The following FGB variants were observed in gnomAD, a reference collection of about 807,000 sequenced individuals.
FGB encodes fibrinogen beta chain, also known as beta-fibrinogen.
Under a neutral mutation model 57.9 loss-of-function variants are expected in FGB, and 25 were observed. The observed-to-expected ratio is 0.43, with a 90% CI of 0.31 to 0.60. The LOEUF (loss-of-function observed/expected upper bound fraction) is 0.60, where lower values mean the gene tolerates loss of function less well. Among genes scored for constraint, FGB ranks in the 20% least tolerant of loss-of-function variants. The probability of loss-of-function intolerance (pLI) is 0.08; values close to 1 mark genes in which losing one functional copy is unlikely to be tolerated. For synonymous variants in FGB, 203 were observed against 199.2 expected, an observed-to-expected ratio of 1.02 and a Z score of -0.16; for missense variants, 536 against 598.4, an observed-to-expected ratio of 0.90 and a Z score of 1.09.
intron 7 of FGB, 91 bp from the exon 8 acceptor site, chr4:154,570,328 C>T (rs1730365584): frequency 5.6e-6 from 5 of 895,882 alleles, no homozygotes; most frequent in Non-Finnish European, 7.4e-6. Flanking sequence ...ACTGTGCACA[C>T]GAGTGTAGCA....
rs1730369642 is a variant in FGB at position 154,570,405 on chromosome 4, A to T, written c.1245-14A>T. Reference sequence around the variant, plus strand: ...AGTTCTGTTTCTAATAACGCCAAACACATTTTCTTTCAGGTTAACATCAGA... The same window carrying T: ...AGTTCTGTTTCTAATAACGCCAAACTCATTTTCTTTCAGGTTAACATCAGA... On this transcript the variant is annotated splice_polypyrimidine_tract_variant and intron_variant, in intron 7 of 7. Transcript: ENST00000302068. 1.2e-6 allele frequency: 2 copies of T among 1,602,854 alleles called. No individual in the cohort carries two copies. Among genetic ancestry groups the T allele is most frequent in the Non-Finnish European group, 1.7e-6 (2 of 1,169,740 alleles).
intron 7 of FGB, 114 bp downstream of exon 7, chr4:154,569,913 G>A: frequency 8.9e-7 from 1 of 1,123,856 alleles, no homozygotes; most frequent in Non-Finnish European, 1.3e-6. Flanking sequence ...GTCAGCCACT[G>A]TCCTAAGCTC....
In FGB at chr4:154,569,724, T is replaced by C. The variant is rs1456669155; in HGVS notation, c.1169T>C (p.Leu390Pro). 5 of 1,614,110 alleles carry C rather than the reference T, an allele frequency of 3.1e-6. No individual in the cohort carries two copies. The highest frequency in any genetic ancestry group is 4.2e-6 in the Non-Finnish European group (5 of 1,180,016). The part of the protein sequence containing the change: ...GNALMDGASQ[L>P]MGENRTMTIH... The stretch of plus-strand genomic sequence containing the variant: ...GCCCTCATGGATGGAGCATCTCAGC[T>C]GATGGGAGAAAACAGGACCATGACC... The change falls in exon 7 of 8, where the codon CTG becomes CCG. Residue 390 changes from leucine (L) to proline (P), a missense_variant. Transcript: ENST00000302068.
rs1730473258 is a variant in FGB, at chr4:154,572,613, C to T, written c.*1963C>T. 6.6e-6 allele frequency among the ~76,000 whole-genome samples: 1 copy of T among 152,140 alleles called. No homozygotes were observed. Among genetic ancestry groups the T allele is most frequent in the Admixed American group, 6.5e-5 (1 of 15,270 alleles). On this transcript the variant is annotated 3_prime_UTR_variant, in exon 8 of 8. Coordinates refer to ENST00000302068, the MANE Select transcript of FGB (RefSeq NM_005141.5). ...TCTCTGGGTTGGCCATTCCCGGATT[C>T]CTTAGCTTAGACTCTGAACACATAT...
chr4:154,570,288 A>T, intron 7 of FGB, 131 bp from the exon 8 acceptor site: 1 of 732,414 alleles, frequency 1.4e-6, no homozygotes, highest in Non-Finnish European at 2.5e-6. Flanking sequence ...TATTAGTGTG[A>T]CTCTATGTAT....
At position 154,569,399 on chromosome 4, in the gene FGB, C is replaced by T. The variant is rs550368921; in HGVS notation, c.958+92C>T. 17 of 1,588,286 alleles carry T rather than the reference C, an allele frequency of 1.1e-5. No homozygotes were observed. In the East Asian group the frequency reaches 3.6e-4, roughly 34 times the overall value. On this transcript the variant is annotated intron_variant, in intron 6 of 7. Coordinates refer to ENST00000302068, the MANE Select transcript of FGB (RefSeq NM_005141.5). ...TTCATTGTTGGAAGCCTGTTTTAGG[C>T]AGTTAAGAGGAGTTTCCTGACAAAA...
At chr4:154,566,783 G>A (rs1730180475) in intron 3 of FGB, 111 bp downstream of exon 3, 5 of 1,044,346 alleles carry the variant, frequency 4.8e-6, no homozygotes, top group African/African-American at 1.6e-5. Flanking sequence ...TTAGTGAATA[G>A]CATTCATACG....
chr4:154,569,464 G>A lies in FGB; in HGVS notation c.959-50G>A, dbSNP rs529570945. ...GATAAGGGAAGAAAGGCAGTTTTTA[G>A]TTTCCCAAAATTTTATTTTTGGTGA... On this transcript the variant is annotated intron_variant, in intron 6 of 7. Transcript: ENST00000302068. The A allele has an allele frequency of 6.9e-6, 11 of 1,600,458 alleles. No homozygotes were observed. The Admixed American group carries it at 1.5e-4, about 23-fold the overall frequency.
At position 154,566,006 on chromosome 4, in the gene FGB, G is replaced by A. The variant is rs753698680; in HGVS notation, c.306+7G>A. ...TCACGCTGACCCAGACCTGGTGGGT[G>A]CACTGATGTTTCTTGCAGTGGTGGC... On this transcript the variant is annotated splice_region_variant and intron_variant, in intron 2 of 7. Coordinates refer to ENST00000302068, the MANE Select transcript of FGB (RefSeq NM_005141.5). 11 of 1,612,004 alleles carry A rather than the reference G, an allele frequency of 6.8e-6. No homozygotes were observed. In the East Asian group the frequency reaches 1.8e-4, roughly 26 times the overall value.
intron 1 of FGB, among the ~76,000 whole-genome samples, chr4:154,564,559 G>C (rs1361556474): frequency 1.3e-5 from 2 of 151,906 alleles, no homozygotes; most frequent in Non-Finnish European, 2.9e-5. Flanking sequence ...AGCCTGGCTG[G>C]GTTTTAATCT....
rs1730392140 is a variant in FGB at position 154,570,784 on chromosome 4, A to G, written c.*134A>G. 8.1e-6 allele frequency: 6 copies of G among 738,192 alleles called. No homozygotes were observed. The highest frequency in any genetic ancestry group is 1.5e-5 in the Non-Finnish European group (6 of 407,204). 45.7% of individuals were successfully genotyped at this position (738,192 alleles called of 1,614,324 possible). ...GTGAGTGTGACTTTTTGAAAAAAGT[A>G]TAGGATAAATTACATTAAAATAGCA... On this transcript the variant is annotated 3_prime_UTR_variant, in exon 8 of 8. Coordinates refer to ENST00000302068, the MANE Select transcript of FGB (RefSeq NM_005141.5).
In FGB at chr4:154,565,859, G is replaced by A; in HGVS notation, c.166G>A (p.Ala56Thr). The change falls in exon 2 of 8, where the codon GCT becomes ACT. Residue 56 changes from alanine to threonine, a missense_variant. Ala to Thr is a moderately conservative substitution (Grantham distance 58). Coordinates refer to ENST00000302068, the MANE Select transcript of FGB (RefSeq NM_005141.5). ...HRPLDKKREE[A>T]PSLRPAPPPI... ...ACCCCTTGACAAGAAGAGAGAAGAG[G>A]CTCCCAGCCTGAGGCCTGCCCCACC... is the stretch of plus-strand genomic sequence containing the variant. 6.2e-7 allele frequency: 1 copy of A among 1,614,158 alleles called. No homozygotes were observed. The highest frequency in any genetic ancestry group is 8.5e-7 in the Non-Finnish European group (1 of 1,180,020).
chr4:154,563,242 A>C, intron 1 of FGB, 110 bp downstream of exon 1: 1 of 580,254 alleles, frequency 1.7e-6, no homozygotes, highest in Non-Finnish European at 3.0e-6. Flanking sequence ...TATAGTTATG[A>C]AATGGAATTG....
At chr4:154,565,784 A>G (rs781032245) in intron 1 of FGB, 24 bp from the exon 2 acceptor site, 3 of 1,609,438 alleles carry the variant, frequency 1.9e-6, no homozygotes, top group African/African-American at 1.3e-5. Flanking sequence ...ACTCTGTATT[A>G]TATTTCTGCC....
At chr4:154,563,450 T>G (rs2110752273) in intron 1 of FGB, among the ~76,000 whole-genome samples, 1 of 151,984 alleles carries the variant, frequency 6.6e-6, no homozygotes, top group African/African-American at 2.4e-5. Context: ...GGATTACAAT[T>G]AAGAGGACAA....
chr4:154,571,745 T>C lies in FGB; in HGVS notation c.*1095T>C, dbSNP rs1426420946. The stretch of plus-strand genomic sequence containing the variant: ...GTTCTTTCTACTTCTCCCCATGAAA[T>C]GGGCATATCATCTCAACACTTCACT... On this transcript the variant is annotated 3_prime_UTR_variant, in exon 8 of 8. Transcript: ENST00000302068. Among the ~76,000 whole-genome samples, 1 of 152,164 alleles carries C rather than the reference T, an allele frequency of 6.6e-6. No homozygotes were observed. The highest frequency in any genetic ancestry group is 2.4e-5 in the African/African-American group (1 of 41,436).
intron 3 of FGB, 71 bp from the exon 4 acceptor site, chr4:154,567,522 T>C: frequency 7.6e-6 from 7 of 922,708 alleles, no homozygotes; most frequent in Admixed American, 1.8e-5. Flanking sequence ...AAAATCAAAA[T>C]TGTATAGTTA....
rs758583316 is a variant in FGB, at chr4:154,567,726, A to C, written c.624A>C (p.Lys208Asn). 3.7e-6 allele frequency: 6 copies of C among 1,614,182 alleles called. No homozygotes were observed. The highest frequency in any genetic ancestry group is 5.1e-6 in the Non-Finnish European group (6 of 1,180,016). Residue 208 changes from lysine (K) to asparagine (N), a missense_variant, in exon 4 of 8, where the codon AAA becomes AAC. Physicochemically the swap from Lys to Asn is moderately conservative, Grantham distance 94 (BLOSUM62 0). Around this residue, in one of 3 missense-constraint regions of FGB, gnomAD observed 354 missense variants for 383.4 expected, o/e 0.92. Coordinates refer to ENST00000302068, the MANE Select transcript of FGB (RefSeq NM_005141.5). ...LRSILENLRS[K>N]IQKLESDVSA... ...CAATCCTGGAAAACCTGAGAAGCAA[A>C]ATACAAAAGTTAGAATCTGATGTCT...
At chr4:154,570,128 C>A (rs1004721451) in intron 7 of FGB, among the ~76,000 whole-genome samples, 2 of 152,046 alleles carry the variant, frequency 1.3e-5, no homozygotes, top group African/African-American at 4.8e-5. Context: ...TGTGTGAAAA[C>A]TTTCATTTTC....
Sources: allele counts gnomAD v4.1 joint callset (sites outside exome capture counted in the v4.1 genomes callset), GRCh38; gene constraint gnomAD v4.1.1; regional missense constraint gnomAD v4.1.1; transcripts MANE v1.5; gene names NCBI Gene and HGNC (gene_info 2026-07-23, HGNC 2026-07-21).